ANXA4: variants seen among roughly 807,000 people sequenced by gnomAD.
ANXA4 encodes the protein annexin A4, also known as 35-beta calcimedin.
Under a neutral mutation model 49.8 loss-of-function variants are expected in ANXA4, and 39 were observed. That is an observed-to-expected ratio of 0.78 (90% CI 0.61 to 1.02). The LOEUF is 1.02. ANXA4 is among the 50% of genes least tolerant of loss of function. The pLI is 0.00. For synonymous variants in ANXA4, 134 were observed against 152.5 expected (o/e 0.88, Z 0.89); for missense variants, 360 against 410.1 (o/e 0.88, Z 1.05).
chr2:69,762,702 C>T (rs1224739899), intron 1 of ANXA4, among the ~76,000 whole-genome samples: 1 of 152,182 alleles, frequency 6.6e-6, no homozygotes, highest in African/African-American at 2.4e-5. Flanking sequence ...ATTCGCGCCC[C>T]AACACCTCTC....
At chr2:69,670,348 G>C (rs1677125742) in intron 2 of ANXA4, among the ~76,000 whole-genome samples, 1 of 150,672 alleles carries the variant, frequency 6.6e-6, no homozygotes, top group Non-Finnish European at 1.5e-5. Context: ...GCTGAGGCAG[G>C]AGAATTGCTT....
chr2:69,647,376 G>T (rs1266439105), intron 1 of ANXA4, among the ~76,000 whole-genome samples: 2 of 145,720 alleles, frequency 1.4e-5, no homozygotes, highest in African/African-American at 5.2e-5. Context: ...TTGTTTTATT[G>T]TTTTATTTTT....
chr2:69,755,943 G>T (rs1671024057), intron 1 of ANXA4, among the ~76,000 whole-genome samples: 1 of 151,864 alleles, frequency 6.6e-6, no homozygotes, highest in South Asian at 2.1e-4. Flanking sequence ...TGCTCTCGAG[G>T]GTATTTATGT....
intron 9 of ANXA4, chr2:69,817,886 C>T (rs191134882): frequency 5.3e-5 from 8 of 152,324 alleles, no homozygotes; most frequent in African/African-American, 1.4e-4. Context: ...GAGAGTCTAA[C>T]GGGTCCTGAC....
chr2:69,680,811 AT>A (rs1677571236), intron 2 of ANXA4, among the ~76,000 whole-genome samples: 1 of 152,078 alleles, frequency 6.6e-6, no homozygotes, highest in Admixed American at 6.5e-5. Context: ...ACATTTATTG[AT>A]TGGCGTATGT....
chr2:69,709,103 C>T (rs917580049), intron 2 of ANXA4, among the ~76,000 whole-genome samples: 1 of 152,110 alleles, frequency 6.6e-6, no homozygotes, highest in Non-Finnish European at 1.5e-5. Context: ...AAGAAATTGC[C>T]TTTGTATGAG....
At chr2:69,793,953 A>G (rs1482604308) in intron 3 of ANXA4, among the ~76,000 whole-genome samples, 3 of 152,228 alleles carry the variant, frequency 2.0e-5, no homozygotes, top group Admixed American at 2.0e-4. Context: ...CATTGATTGG[A>G]TATCCACTTT....
intron 2 of ANXA4, among the ~76,000 whole-genome samples, chr2:69,682,799 C>G (rs1249192464): frequency 6.6e-6 from 1 of 152,176 alleles, no homozygotes; most frequent in Non-Finnish European, 1.5e-5. Context: ...ACATGCCACT[C>G]ATGTAAGAGT....
rs1259102048 is a variant in ANXA4, at chr2:69,715,354, C to T, written n.767-5420C>T. Among the ~76,000 whole-genome samples, 4 of 152,096 alleles carry T rather than the reference C, an allele frequency of 2.6e-5. No homozygotes were observed. In the South Asian group the frequency reaches 6.2e-4, roughly 24 times the overall value. On this transcript the variant is annotated intron_variant and non_coding_transcript_variant, in intron 2 of 3. Coordinates refer to the ANXA4 transcript ENST00000418066. Reference sequence around the variant, plus strand: ...TCCCAAGTAGCTGGGATTACAGGTACGCACCACCATGCCTGGCTACTTTTT... The same window carrying T: ...TCCCAAGTAGCTGGGATTACAGGTATGCACCACCATGCCTGGCTACTTTTT...
At chr2:69,797,125 C>T (rs957855227) in intron 3 of ANXA4, among the ~76,000 whole-genome samples, 1 of 152,170 alleles carries the variant, frequency 6.6e-6, no homozygotes, top group African/African-American at 2.4e-5. Context: ...GGTCAAAGGA[C>T]TCCCAGTGCT....
chr2:69,753,241 G>A (rs957592551), intron 1 of ANXA4, among the ~76,000 whole-genome samples: 1 of 152,170 alleles, frequency 6.6e-6, no homozygotes, highest in Non-Finnish European at 1.5e-5. Flanking sequence ...GACTATGAGT[G>A]CCTGCACACA....
chr2:69,825,552 CTT>C lies in ANXA4; in HGVS notation c.*39_*40del. Reference sequence around the variant, plus strand: ...CAGAAGGACAGGAGGATTCTCAACACTTTGAATTTTTTTAACTTCATTTTTCT... The same window carrying C: ...CAGAAGGACAGGAGGATTCTCAACACTGAATTTTTTTAACTTCATTTTTCT... On this transcript the variant is annotated 3_prime_UTR_variant, in exon 13 of 13. Transcript: ENST00000394295. 2 of 1,539,186 alleles carry C rather than the reference CTT, an allele frequency of 1.3e-6. No homozygotes were observed. Among genetic ancestry groups the C allele is most frequent in the Non-Finnish European group, 1.8e-6 (2 of 1,130,774 alleles).
chr2:69,763,630 T>C (rs1392057551), intron 1 of ANXA4, among the ~76,000 whole-genome samples: 1 of 152,092 alleles, frequency 6.6e-6, no homozygotes, highest in African/African-American at 2.4e-5. Flanking sequence ...ATTTTTAATT[T>C]TTAAATACTT....
At chr2:69,783,097 A>G (rs1672267393) in intron 2 of ANXA4, among the ~76,000 whole-genome samples, 1 of 152,194 alleles carries the variant, frequency 6.6e-6, no homozygotes, top group Non-Finnish European at 1.5e-5. Context: ...ATTCACTCTG[A>G]TCTTATGCTT....
At chr2:69,661,045 A>G (rs1248967128) in intron 2 of ANXA4, among the ~76,000 whole-genome samples, 1 of 152,154 alleles carries the variant, frequency 6.6e-6, no homozygotes, top group African/African-American at 2.4e-5. Flanking sequence ...GAGAGGAAAT[A>G]TAGATTACTC....
chr2:69,694,866 T>C (rs1439443230), intron 2 of ANXA4, among the ~76,000 whole-genome samples: 1 of 152,120 alleles, frequency 6.6e-6, no homozygotes, highest in Non-Finnish European at 1.5e-5. Context: ...GTTCAAGTGA[T>C]CCACCTGCCT....
chr2:69,763,339 C>T (rs779947378), intron 1 of ANXA4, among the ~76,000 whole-genome samples: 2 of 152,102 alleles, frequency 1.3e-5, no homozygotes, highest in Admixed American at 6.6e-5. Flanking sequence ...TCCAGATCTC[C>T]GAGGTGGAGC....
intron 3 of ANXA4, among the ~76,000 whole-genome samples, chr2:69,727,440 A>C (rs1016020634): frequency 5.9e-5 from 9 of 152,126 alleles, no homozygotes; most frequent in Non-Finnish European, 1.2e-4. Context: ...CATTTTGGAC[A>C]TTCTGGTGTG....
At chr2:69,761,776 TAA>T (rs56109057) in intron 1 of ANXA4, among the ~76,000 whole-genome samples, 2,134 of 135,286 alleles carry the variant, frequency 0.016, 37 homozygotes, top group African/African-American at 0.042. Flanking sequence ...GATGCTGTCT[TAA>T]AAAAAAAAAA....
Sources: gnomAD v4.1 joint callset for allele counts (sites outside exome capture counted in the v4.1 genomes callset) on GRCh38, gnomAD v4.1.1 for gene constraint, MANE v1.5 for transcripts, NCBI Gene and HGNC (gene_info 2026-07-23, HGNC 2026-07-21) for gene names.